COL17A1: variants seen among roughly 807,000 people sequenced by gnomAD.
The protein encoded by COL17A1 is collagen alpha-1(XVII) chain.
Under a neutral mutation model 218.4 loss-of-function variants are expected in COL17A1, and 181 were observed. The observed-to-expected ratio is 0.83, with a 90% CI of 0.73 to 0.94. The LOEUF (loss-of-function observed/expected upper bound fraction) is 0.94. COL17A1 is among the 40% of genes least tolerant of loss of function. The probability of loss-of-function intolerance (pLI) is 0.00; values close to 1 mark genes in which losing one functional copy is unlikely to be tolerated. For synonymous variants in COL17A1, 721 were observed against 731.0 expected (o/e 0.99, Z 0.22); for missense variants, 1,924 against 1,945.9 (o/e 0.99, Z 0.21).
At position 104,034,023 on chromosome 10, in the gene COL17A1, C is replaced by T. The variant is rs2086243691; in HGVS notation, c.4078G>A (p.Gly1360Ser). 7 of 1,614,100 alleles carry T rather than the reference C, an allele frequency of 4.3e-6. No homozygotes were observed. The highest frequency in any genetic ancestry group is 5.1e-6 in the Non-Finnish European group (6 of 1,180,042). The change falls in exon 52 of 56, where the codon GGC (glycine) becomes AGC (serine). Residue 1360 changes from glycine (G) to serine (S), a missense_variant. Coordinates refer to ENST00000648076, the MANE Select transcript of COL17A1 (RefSeq NM_000494.4). ...GCAAAGTCAGCTCCCAATAGTCCGC[C>T]ATTGCCAGCATACATGCCGCCTTCT... The part of the protein sequence containing the change: ...AAEGGMYAGN[G>S]GLLGADFAGD...
intron 6 of COL17A1, chr10:104,073,876 AAAG>A (rs2086687867): frequency 2.7e-6 from 1 of 368,410 alleles, no homozygotes; most frequent in African/African-American, 2.1e-5. Context: ...CATCTCATGG[AAAG>A]AAGAATCCCT....
chr10:104,068,168 G>C (rs2086642583), intron 9 of COL17A1, among the ~76,000 whole-genome samples: 1 of 152,168 alleles, frequency 6.6e-6, no homozygotes, highest in African/African-American at 2.4e-5. Context: ...CTAATTCCCA[G>C]ATTTTAAAAT....
intron 5 of COL17A1, 98 bp downstream of exon 5, chr10:104,076,203 A>G (rs2134655900): frequency 6.3e-7 from 1 of 1,588,404 alleles, no homozygotes; most frequent in Non-Finnish European, 8.6e-7. Context: ...AGAAAGGTGA[A>G]GGGCAGACAC....
intron 9 of COL17A1, 79 bp from the exon 10 acceptor site, chr10:104,064,675 G>T: frequency 1.4e-6 from 2 of 1,383,424 alleles, no homozygotes; most frequent in South Asian, 1.2e-5. Flanking sequence ...ACCTCATTTT[G>T]CTGGGATTTC....
Position 104,076,387 on chromosome 10 carries a change from C to A in COL17A1, c.245G>T (p.Arg82Met). 6.2e-7 allele frequency: 1 copy of A among 1,614,156 alleles called. No homozygotes were observed. The highest frequency in any genetic ancestry group is 1.6e-4 in the Middle Eastern group (1 of 6,062). Residue 82 changes from arginine to methionine, a missense_variant, in exon 5 of 56, where the codon AGG becomes ATG. Arg to Met is a moderately conservative substitution (Grantham distance 91). Coordinates refer to ENST00000648076, the MANE Select transcript of COL17A1 (RefSeq NM_000494.4). ...CAGAGTGGAGGCAGGTGAGTGAGCC[C>A]TCCTGTAACTAGAGGTGGAGGCATG... is the stretch of plus-strand genomic sequence containing the variant. ...RGHASTSSYR[R>M]AHSPASTLPN...
chr10:104,050,613 T>G lies in COL17A1; in HGVS notation c.2128+8A>C, dbSNP rs138724889. ...CTGGTAATGACAGAGCAGCAGTGAGTGGCATACCTTTGGGTCCTGGTGGTC... is the reference window on the plus strand; with the variant it reads ...CTGGTAATGACAGAGCAGCAGTGAGGGGCATACCTTTGGGTCCTGGTGGTC... On this transcript the variant is annotated splice_region_variant and intron_variant, in intron 27 of 55. Coordinates refer to ENST00000648076, the MANE Select transcript of COL17A1 (RefSeq NM_000494.4). The G allele has an allele frequency of 1.9e-3, 3,098 of 1,612,974 alleles. 16 individuals are homozygous for G. In the Middle Eastern group the frequency reaches 0.029, roughly 15 times the overall value.
At chr10:104,060,743 T>G (rs574028095) in intron 13 of COL17A1, among the ~76,000 whole-genome samples, 23 of 152,342 alleles carry the variant, frequency 1.5e-4, no homozygotes, top group African/African-American at 5.3e-4. Flanking sequence ...CATTACTTAT[T>G]GCTTTCCTTA....
intron 48 of COL17A1, 142 bp from the exon 49 acceptor site, chr10:104,035,705 G>A (rs2086273709): frequency 4.2e-6 from 3 of 708,788 alleles, no homozygotes; most frequent in Non-Finnish European, 7.1e-6. Context: ...AGGCAGAGAG[G>A]AGGAGCCCAA....
At chr10:104,033,445 GC>G in intron 52 of COL17A1, 70 bp from the exon 53 acceptor site, 2 of 1,557,760 alleles carry the variant, frequency 1.3e-6, no homozygotes, top group Admixed American at 3.6e-5. Context: ...GGAGCACAGT[GC>G]CCTCCGAGTG....
At chr10:104,056,551 C>G (rs2086529224) in intron 17 of COL17A1, among the ~76,000 whole-genome samples, 1 of 151,362 alleles carries the variant, frequency 6.6e-6, no homozygotes. Context: ...CACTGCACTC[C>G]AGCCTGGGCG....
At chr10:104,062,214 G>A in intron 12 of COL17A1, 44 bp downstream of exon 12, 2 of 1,614,092 alleles carry the variant, frequency 1.2e-6, no homozygotes, top group Non-Finnish European at 1.7e-6. Context: ...GCTGCAAAGA[G>A]GTGTCACTTT....
intron 8 of COL17A1, 77 bp downstream of exon 8, chr10:104,071,955 T>C: frequency 2.0e-6 from 3 of 1,531,414 alleles, no homozygotes; most frequent in East Asian, 2.3e-5. Flanking sequence ...CACACACGCA[T>C]GCACACACAC....
intron 3 of COL17A1, 55 bp downstream of exon 3, chr10:104,078,487 T>A (rs1564687667): frequency 6.2e-7 from 1 of 1,612,752 alleles, no homozygotes; most frequent in Non-Finnish European, 8.5e-7. Context: ...GTTACAGGTG[T>A]GGGGCCCTTC....
At chr10:104,042,810 T>G (rs1253793521) in intron 35 of COL17A1, among the ~76,000 whole-genome samples, 1 of 152,220 alleles carries the variant, frequency 6.6e-6, no homozygotes, top group Non-Finnish European at 1.5e-5. Context: ...ACATAAAAAT[T>G]TAAAATAATT....
At chr10:104,049,139 G>T (rs2134602387) in intron 29 of COL17A1, among the ~76,000 whole-genome samples, 1 of 152,250 alleles carries the variant, frequency 6.6e-6, no homozygotes, top group East Asian at 1.9e-4. Context: ...TCTTCCCCAG[G>T]GGAGTGGGGA....
Position 104,034,327 on chromosome 10 carries a change from A to G in COL17A1, c.3774T>C (p.Asp1258=). Residue 1258 remains aspartate, a synonymous_variant, in exon 52 of 56, where the codon GAT becomes GAC. Coordinates refer to ENST00000648076, the MANE Select transcript of COL17A1 (RefSeq NM_000494.4). ...GGGGGCCAACAATGAAGCTGCGCAC[A>G]TCAGGACCTGCAGGGTGAGAAGCTG... The part of the protein sequence containing the change: ...SELISYLTSP[D]VRSFIVGPPG... The G allele has an allele frequency of 6.4e-7, 1 of 1,557,088 alleles. No homozygotes were observed. The highest frequency in any genetic ancestry group is 8.6e-7 in the Non-Finnish European group (1 of 1,157,786).
At position 104,032,909 on chromosome 10, in the gene COL17A1, T is replaced by G. The variant is rs1844707504; in HGVS notation, c.4354A>C (p.Lys1452Gln). ...QKGEMGTPGP[K>Q]GDRGPAGPPG... is the part of the protein sequence containing the mutation. ...CTGGCTCTCTGCCACCACTTACCTT[T>G]GGGTCCTGGAGTGCCCATCTCTCCT... The change falls in exon 54 of 56, where the codon AAA becomes CAA. Residue 1452 changes from lysine (K) to glutamine (Q), a missense_variant. Lys to Gln is a moderately conservative substitution (Grantham distance 53). Transcript: ENST00000648076. 6.2e-7 allele frequency: 1 copy of G among 1,614,092 alleles called. No individual in the cohort carries two copies. The highest frequency in any genetic ancestry group is 1.3e-5 in the African/African-American group (1 of 74,944).
intron 55 of COL17A1, 54 bp downstream of exon 55, chr10:104,032,620 C>T (rs1367517856): frequency 3.2e-6 from 5 of 1,538,766 alleles, no homozygotes; most frequent in South Asian, 1.1e-5. Context: ...CTCTAATGAG[C>T]GTCAGCCTTG....
Position 104,064,606 on chromosome 10 carries a change from GAC to G in COL17A1, c.608-12_608-11del. 1 of 1,610,126 alleles carries G rather than the reference GAC, an allele frequency of 6.2e-7. No homozygotes were observed. The highest frequency in any genetic ancestry group is 1.1e-5 in the South Asian group (1 of 90,332). On this transcript the variant is annotated splice_polypyrimidine_tract_variant and intron_variant, in intron 9 of 55. Transcript: ENST00000648076. ...TCGTAGGTGCCTGACACTGGAAACA[GAC>G]ACATGCACACACCCCAGTGAGAGAC...
Sources: gnomAD v4.1 joint callset for allele counts (sites outside exome capture counted in the v4.1 genomes callset) on GRCh38, gnomAD v4.1.1 for gene constraint, MANE v1.5 for transcripts, NCBI Gene and HGNC (gene_info 2026-07-23, HGNC 2026-07-21) for gene names.